AFF2: variants seen among roughly 807,000 people sequenced by gnomAD.
The protein encoded by AFF2 is AF4/FMR2 family member 2.
AFF2 carries 14 observed loss-of-function variants against 76.9 expected under a neutral mutation model. The ratio of observed to expected loss-of-function variants is 0.18; its 90% CI spans 0.12 to 0.28. The LOEUF is 0.28. AFF2 is among the 10% of genes least tolerant of loss of function. AFF2 has a pLI of 1.00. For missense variants in AFF2, 868 were observed against 1,001.1 expected, an observed-to-expected ratio of 0.87 and a Z score of 1.79; for synonymous variants, 398 against 366.7, an observed-to-expected ratio of 1.09 and a Z score of -0.98.
intron 1 of AFF2, among the ~76,000 whole-genome samples, chrX:148,649,541 G>A (rs1603267457): frequency 1.8e-5 from 2 of 112,394 alleles, no homozygotes; most frequent in East Asian, 5.6e-4. Context: ...GTTAAAAAAT[G>A]CAGCAGGCAG....
chrX:148,562,137 C>A (rs1186363491), intron 1 of AFF2, among the ~76,000 whole-genome samples: 3 of 112,358 alleles, frequency 2.7e-5, no homozygotes, highest in Non-Finnish European at 3.8e-5. Context: ...AACAGTTATG[C>A]CAGCAAATGA....
At chrX:148,811,436 C>A (rs782518646) in intron 4 of AFF2, among the ~76,000 whole-genome samples, 1 of 111,610 alleles carries the variant, frequency 9.0e-6, no homozygotes, top group Non-Finnish European at 1.9e-5. Context: ...CTGTTATGAG[C>A]ACCACAAAAG....
At chrX:148,680,420 T>C (rs868951841) in intron 3 of AFF2, among the ~76,000 whole-genome samples, 2 of 111,808 alleles carry the variant, frequency 1.8e-5, no homozygotes, top group African/African-American at 6.5e-5. Context: ...AGCCCAGAGA[T>C]TGACCAGAAA....
At chrX:148,816,725 A>C (rs927488232) in intron 4 of AFF2, among the ~76,000 whole-genome samples, 9 of 110,618 alleles carry the variant, frequency 8.1e-5, no homozygotes, top group Non-Finnish European at 1.9e-5. Context: ...AAGGTGGATG[A>C]ATGAGATGCT....
chrX:148,886,358 A>G (rs2071160373), intron 8 of AFF2, among the ~76,000 whole-genome samples: 2 of 111,240 alleles, frequency 1.8e-5, no homozygotes, highest in Admixed American at 9.6e-5. Context: ...CTTGGAACCC[A>G]TACTCATTAA....
intron 12 of AFF2, among the ~76,000 whole-genome samples, chrX:148,961,795 T>C (rs983914667): frequency 8.9e-5 from 10 of 112,943 alleles, no homozygotes; most frequent in African/African-American, 3.2e-4. Flanking sequence ...TCAATAATCA[T>C]GAAAAGTAAA....
rs781801434 is a variant in AFF2, at chrX:148,843,218, T to C, written c.1211-164T>C. ...TTTCACTTAACATAATGACTTCCAG[T>C]CCCGTGATATATCTAACTGGTTCCC... On this transcript the variant is annotated intron_variant, in intron 6 of 20. Transcript: ENST00000370460. Among the ~76,000 whole-genome samples the C allele has an allele frequency of 3.6e-5, 4 of 110,246 alleles. No individual in the cohort carries two copies. In the South Asian group the frequency reaches 1.6e-3, roughly 43 times the overall value.
chrX:148,989,117 T>C (rs985681483), intron 20 of AFF2, among the ~76,000 whole-genome samples: 3 of 112,291 alleles, frequency 2.7e-5, no homozygotes, highest in Non-Finnish European at 5.6e-5. Context: ...CTCTGGAAAC[T>C]CAGAGACAAC....
intron 3 of AFF2, among the ~76,000 whole-genome samples, chrX:148,721,565 C>T (rs1557263815): frequency 8.9e-6 from 1 of 111,828 alleles, no homozygotes; most frequent in African/African-American, 3.3e-5. Flanking sequence ...TCTGTGTCAG[C>T]CCTTCGTTAG....
Position 148,994,441 on chromosome X carries a change from CT to C in AFF2, c.*3111del, listed in dbSNP as rs1421415951. ...TAGCCAGCCTGTAGACTGTTAATTA[CT>C]TAATAATCTCATTGGGAAAATACTA... On this transcript the variant is annotated 3_prime_UTR_variant, in exon 21 of 21. Coordinates refer to ENST00000370460, the MANE Select transcript of AFF2 (RefSeq NM_002025.4). 7.1e-5 allele frequency: 8 copies of C among 112,223 alleles called. No individual in the cohort carries two copies. The highest frequency in any genetic ancestry group is 9.4e-5 in the Non-Finnish European group (5 of 53,268). 9.2% of individuals were successfully genotyped at this position (112,223 alleles called of 1,213,427 possible).
At chrX:148,720,287 A>G (rs1349483457) in intron 3 of AFF2, among the ~76,000 whole-genome samples, 1 of 110,027 alleles carries the variant, frequency 9.1e-6, no homozygotes, top group Non-Finnish European at 1.9e-5. Context: ...TAAAGAAACC[A>G]TGCGCAAATG....
intron 1 of AFF2, among the ~76,000 whole-genome samples, chrX:148,517,244 C>T (rs1419672544): frequency 2.7e-5 from 3 of 111,806 alleles, no homozygotes; most frequent in African/African-American, 9.8e-5. Flanking sequence ...GATTGTGGCA[C>T]TTTAAGATGA....
At chrX:148,661,071 G>A (rs981554967) in intron 2 of AFF2, among the ~76,000 whole-genome samples, 4 of 112,515 alleles carry the variant, frequency 3.6e-5, no homozygotes, top group African/African-American at 1.3e-4. Context: ...CATAAAATGA[G>A]TTGGTTGCCT....
chrX:148,638,648 T>C (rs1171040722), intron 1 of AFF2, among the ~76,000 whole-genome samples: 1 of 111,157 alleles, frequency 9.0e-6, no homozygotes, highest in East Asian at 2.8e-4. Context: ...CAGGGAGCTT[T>C]TACTCATGGC....
At chrX:148,790,454 A>T (rs2069877036) in intron 3 of AFF2, among the ~76,000 whole-genome samples, 1 of 111,858 alleles carries the variant, frequency 8.9e-6, no homozygotes, top group African/African-American at 3.2e-5. Context: ...CCCATCAATG[A>T]TAGACTGGAT....
At chrX:148,740,602 C>T (rs73249438) in intron 3 of AFF2, among the ~76,000 whole-genome samples, 8,061 of 111,656 alleles carry the variant, frequency 0.072, 257 homozygotes, top group Middle Eastern at 0.15. Context: ...GCCTTTGGTC[C>T]TTCCCTGATT....
chrX:148,610,608 A>C (rs2053719685), intron 1 of AFF2, among the ~76,000 whole-genome samples: 1 of 111,315 alleles, frequency 9.0e-6, no homozygotes, highest in Admixed American at 9.6e-5. Flanking sequence ...AAGATGAGTG[A>C]TTTATTATTT....
chrX:148,712,700 G>T (rs1328006508), intron 3 of AFF2, among the ~76,000 whole-genome samples: 1 of 112,204 alleles, frequency 8.9e-6, no homozygotes, highest in Non-Finnish European at 1.9e-5. Flanking sequence ...CATTTGAAGA[G>T]AGAGGCTGTT....
At chrX:148,757,133 AT>A (rs1557266947) in intron 3 of AFF2, among the ~76,000 whole-genome samples, 1 of 112,863 alleles carries the variant, frequency 8.9e-6, no homozygotes, top group Admixed American at 9.4e-5. Flanking sequence ...TTAAAGTTCC[AT>A]TTGGTATAGA....
Sources: allele counts gnomAD v4.1 joint callset (sites outside exome capture counted in the v4.1 genomes callset), GRCh38; gene constraint gnomAD v4.1.1; transcripts MANE v1.5; gene names NCBI Gene and HGNC (gene_info 2026-07-23, HGNC 2026-07-21).